COL4A3: variants seen among roughly 807,000 people sequenced by gnomAD.
The protein encoded by COL4A3 is collagen alpha-3(IV) chain.
A neutral mutation model predicts 217.4 loss-of-function variants in COL4A3; 135 were observed. The observed-to-expected ratio is 0.62, with a 90% CI of 0.54 to 0.72. COL4A3 has a LOEUF of 0.72. COL4A3 is among the 30% of genes least tolerant of loss of function. The pLI, the probability that COL4A3 is intolerant of heterozygous loss-of-function variation, is 0.00. For missense variants in COL4A3, 1,868 were observed against 2,119.9 expected, an observed-to-expected ratio of 0.88 and a Z score of 2.33; for synonymous variants, 690 against 736.3, an observed-to-expected ratio of 0.94 and a Z score of 1.02.
chr2:227,207,221 A>G (rs1030574715), intron 1 of COL4A3, among the ~76,000 whole-genome samples: 1 of 152,224 alleles, frequency 6.6e-6, no homozygotes, highest in African/African-American at 2.4e-5. Context: ...TCTGTGCCTT[A>G]GAAAAAGAGT....
At chr2:227,245,651 T>A in intron 5 of COL4A3, 1 of 457,316 alleles carries the variant, frequency 2.2e-6, no homozygotes, top group Non-Finnish European at 4.0e-6. Context: ...ACTTTCCTCT[T>A]CTTTTTCCCT....
chr2:227,241,442 G>A lies in COL4A3; in HGVS notation c.234+1210G>A, dbSNP rs538551621. 1.6e-3 allele frequency among the ~76,000 whole-genome samples: 238 copies of A among 152,310 alleles called. 1 individual carries two copies. The highest frequency in any genetic ancestry group is 5.5e-3 in the African/African-American group (228 of 41,576). On this transcript the variant is annotated intron_variant, in intron 3 of 51. Coordinates refer to ENST00000396578, the MANE Select transcript of COL4A3 (RefSeq NM_000091.5). ...TAATCCCATTGCTCTGGGAGGCTGA[G>A]GCAGGAGGATCACTTGAGCCCACGA...
intron 1 of COL4A3, among the ~76,000 whole-genome samples, chr2:227,226,603 G>A: frequency 6.6e-6 from 1 of 152,090 alleles, no homozygotes; most frequent in African/African-American, 2.4e-5. Context: ...CCAGGTAGCT[G>A]GGATTATAGG....
chr2:227,202,179 G>A (rs556147205), intron 1 of COL4A3, among the ~76,000 whole-genome samples: 2 of 152,090 alleles, frequency 1.3e-5, no homozygotes, highest in Non-Finnish European at 2.9e-5. Context: ...ACATTGTAGG[G>A]TGTCAATATT....
chr2:227,245,921 G>C, intron 5 of COL4A3, 33 bp from the exon 6 acceptor site: 1 of 1,571,838 alleles, frequency 6.4e-7, no homozygotes, highest in Non-Finnish European at 8.8e-7. Context: ...TTCTTGGGAT[G>C]ACCCTCCTCA....
rs535217931 is a variant in COL4A3 at position 227,188,570 on chromosome 2, A to G, written c.87+23757A>G. On this transcript the variant is annotated intron_variant, in intron 1 of 51. Coordinates refer to ENST00000396578, the MANE Select transcript of COL4A3 (RefSeq NM_000091.5). ...AAAACTGGCTCAGGTTCTGTGGCTC[A>G]TGGAATCAAAACCCAAATGAAATGT... Among the ~76,000 whole-genome samples the G allele has an allele frequency of 6.6e-5, 10 of 152,238 alleles. No individual in the cohort carries two copies. The South Asian group carries it at 2.1e-3, about 32-fold the overall frequency.
rs116797696 is a variant in COL4A3 at position 227,181,345 on chromosome 2, A to C, written c.87+16532A>C. 9.2e-3 allele frequency among the ~76,000 whole-genome samples: 1,398 copies of C among 152,316 alleles called. 21 individuals are homozygous for C. Among genetic ancestry groups the C allele is most frequent in the African/African-American group, 0.032 (1,321 of 41,556 alleles). On this transcript the variant is annotated intron_variant, in intron 1 of 51. Coordinates refer to ENST00000396578, the MANE Select transcript of COL4A3 (RefSeq NM_000091.5). ...TTCATTTTGTGCACATTTACCGAGC[A>C]CTTATGTGTGATGCACTCTTTTACA...
chr2:227,186,361 A>G (rs1347420201), intron 1 of COL4A3, among the ~76,000 whole-genome samples: 2 of 152,190 alleles, frequency 1.3e-5, no homozygotes, highest in African/African-American at 4.8e-5. Flanking sequence ...ATTGTCTTGG[A>G]TGTCCCACTG....
At chr2:227,241,859 A>C (rs1226734446) in intron 3 of COL4A3, among the ~76,000 whole-genome samples, 5 of 152,166 alleles carry the variant, frequency 3.3e-5, no homozygotes, top group African/African-American at 1.2e-4. Flanking sequence ...GTGGTGATTT[A>C]CAATGTAGTT....
At chr2:227,185,350 G>A (rs570559895) in intron 1 of COL4A3, among the ~76,000 whole-genome samples, 14 of 152,270 alleles carry the variant, frequency 9.2e-5, no homozygotes, top group African/African-American at 2.9e-4. Context: ...AGGGCTTTTC[G>A]CAGTTACCCC....
intron 43 of COL4A3, among the ~76,000 whole-genome samples, chr2:227,301,128 A>G (rs1188169905): frequency 8.7e-6 from 1 of 115,510 alleles, no homozygotes; most frequent in Non-Finnish European, 1.8e-5. Context: ...CTTTGTGCCC[A>G]GAGTTTGCTC....
rs900171004 is a variant in COL4A3 at position 227,231,774 on chromosome 2, C to T, written c.88-6194C>T. On this transcript the variant is annotated intron_variant, in intron 1 of 51. Transcript: ENST00000396578. The stretch of plus-strand genomic sequence containing the variant: ...CTCGAACTCCGGATCTCAAGTGATC[C>T]ACCTGCCTTGGCCTCCCAATGTGCT... Among the ~76,000 whole-genome samples, 4 of 152,312 alleles carry T rather than the reference C, an allele frequency of 2.6e-5. No homozygotes were observed. The East Asian group carries it at 7.7e-4, about 29-fold the overall frequency.
At chr2:227,290,638 A>G (rs2072636925) in intron 36 of COL4A3, 109 bp from the exon 37 acceptor site, 5 of 1,003,468 alleles carry the variant, frequency 5.0e-6, no homozygotes, top group Admixed American at 4.4e-5. Context: ...TGCAGTTGCA[A>G]TTCTGAAAAA....
Position 227,270,845 on chromosome 2 carries a change from G to C in COL4A3, c.1651G>C (p.Gly551Arg). The change falls in exon 25 of 52, where the codon GGT becomes CGT. Residue 551 changes from glycine (G) to arginine (R), a missense_variant. Physicochemically the swap from Gly to Arg is moderately radical, Grantham distance 125. This residue lies in a region of COL4A3 where 1,503 missense variants were observed against 1,786.1 expected (regional missense o/e 0.84). Coordinates refer to ENST00000396578, the MANE Select transcript of COL4A3 (RefSeq NM_000091.5). ...AACACTTCAGCCTGAGGGGCAAGTG[G>C]GTGTCCCAGGTGACCCGGGGCTCAG... ...GETLQPEGQV[G>R]VPGDPGLRGQ... 1 of 1,614,154 alleles carries C rather than the reference G, an allele frequency of 6.2e-7. No individual in the cohort carries two copies. Among genetic ancestry groups the C allele is most frequent in the Non-Finnish European group, 8.5e-7 (1 of 1,180,020 alleles).
intron 28 of COL4A3, among the ~76,000 whole-genome samples, chr2:227,279,268 G>T (rs573214452): frequency 1.6e-3 from 239 of 151,602 alleles, no homozygotes; most frequent in African/African-American, 5.1e-3. Context: ...TGTTTTTTTT[G>T]TTGTTGTTGT....
Position 227,311,900 on chromosome 2 carries a change from T to G in COL4A3, c.*30T>G. 1 of 1,613,122 alleles carries G rather than the reference T, an allele frequency of 6.2e-7. No individual in the cohort carries two copies. Among genetic ancestry groups the G allele is most frequent in the Non-Finnish European group, 8.5e-7 (1 of 1,179,454 alleles). On this transcript the variant is annotated 3_prime_UTR_variant, in exon 52 of 52. Transcript: ENST00000396578. ...AAAAAAGACAGCAGAACTGCTATTT[T>G]TCATCCTAAAGAACAAAGTAATGAC...
intron 1 of COL4A3, among the ~76,000 whole-genome samples, chr2:227,200,714 A>G (rs926901701): frequency 1.2e-4 from 19 of 152,222 alleles, no homozygotes; most frequent in African/African-American, 4.3e-4. Flanking sequence ...AAAAGCAAGC[A>G]TCTTAGTTCT....
At chr2:227,255,747 G>A (rs2070124035) in intron 15 of COL4A3, among the ~76,000 whole-genome samples, 2 of 152,056 alleles carry the variant, frequency 1.3e-5, no homozygotes, top group Admixed American at 6.6e-5. Flanking sequence ...AGAATGAACA[G>A]CATCAGCTCT....
intron 41 of COL4A3, chr2:227,296,404 G>C (rs779894995): frequency 8.8e-6 from 5 of 566,006 alleles, no homozygotes; most frequent in Non-Finnish European, 1.1e-5. Flanking sequence ...GTATAAAACG[G>C]TCATACCTTA....
Sources: gnomAD v4.1 joint callset for allele counts (sites outside exome capture counted in the v4.1 genomes callset) on GRCh38, gnomAD v4.1.1 for gene constraint, gnomAD v4.1.1 regional missense constraint, MANE v1.5 for transcripts, NCBI Gene and HGNC (gene_info 2026-07-23, HGNC 2026-07-21) for gene names.